ZHX2: variants seen among roughly 807,000 people sequenced by gnomAD.
ZHX2 encodes the protein zinc fingers and homeoboxes 2, also known as zinc fingers and homeoboxes protein 2.
Under a neutral mutation model 21.9 loss-of-function variants are expected in ZHX2, and 6 were observed. The ratio of observed to expected loss-of-function variants is 0.27; its 90% confidence interval spans 0.15 to 0.54. ZHX2 has a LOEUF of 0.54. Among genes scored for constraint, ZHX2 ranks in the 20% least tolerant of loss-of-function variants. The pLI, the probability that ZHX2 is intolerant of heterozygous loss-of-function variation, is 0.95. For missense variants in ZHX2, 908 were observed against 1,090.7 expected, an observed-to-expected ratio of 0.83 and a Z score of 2.36; for synonymous variants, 434 against 437.1, an observed-to-expected ratio of 0.99 and a Z score of 0.09.
At chr8:122,809,343 C>CA (rs1817880859) in intron 1 of ZHX2, 1 of 152,012 alleles carries the variant, frequency 6.6e-6, no homozygotes, top group Non-Finnish European at 1.5e-5. Context: ...ACTAAAAATA[C>CA]AAAAAAATTA....
intron 2 of ZHX2, among the ~76,000 whole-genome samples, chr8:122,945,689 G>A (rs1018382122): frequency 6.6e-6 from 1 of 152,182 alleles, no homozygotes; most frequent in Admixed American, 6.5e-5. Context: ...ACTTCAGACA[G>A]AGAGGGGCAA....
intron 2 of ZHX2, among the ~76,000 whole-genome samples, chr8:122,899,569 A>G (rs1284607910): frequency 6.6e-6 from 1 of 152,182 alleles, no homozygotes; most frequent in Non-Finnish European, 1.5e-5. Context: ...GCTACACTCA[A>G]TACACCCCCT....
chr8:122,794,039 G>T (rs1395691762), intron 1 of ZHX2, among the ~76,000 whole-genome samples: 1 of 152,222 alleles, frequency 6.6e-6, no homozygotes, highest in African/African-American at 2.4e-5. Flanking sequence ...CCTTGAGTTT[G>T]CTGAACCTGG....
chr8:122,947,777 T>G (rs1813014870), intron 2 of ZHX2, among the ~76,000 whole-genome samples: 1 of 148,554 alleles, frequency 6.7e-6, no homozygotes, highest in Non-Finnish European at 1.5e-5. Context: ...GTGAGGGGAG[T>G]GAGGTCCTGA....
chr8:122,961,590 G>A (rs1438750482), intron 3 of ZHX2, among the ~76,000 whole-genome samples: 1 of 152,188 alleles, frequency 6.6e-6, no homozygotes, highest in Non-Finnish European at 1.5e-5. Flanking sequence ...TTACGATCAT[G>A]GCGGAAGGCG....
intron 2 of ZHX2, among the ~76,000 whole-genome samples, chr8:122,921,805 A>G (rs1563585007): frequency 2.0e-5 from 3 of 152,246 alleles, no homozygotes; most frequent in Admixed American, 6.5e-5. Flanking sequence ...CCTAAAATAT[A>G]TACAATTTTT....
intron 1 of ZHX2, among the ~76,000 whole-genome samples, chr8:122,833,048 G>A (rs111629905): frequency 8.5e-5 from 13 of 152,296 alleles, no homozygotes; most frequent in African/African-American, 2.4e-5. Context: ...CACACCAGGT[G>A]AGCCGACGTG....
Position 122,798,874 on chromosome 8 carries a change from G to A in ZHX2, c.-283+16928G>A, listed in dbSNP as rs552790041. 5.6e-4 allele frequency among the ~76,000 whole-genome samples: 85 copies of A among 151,996 alleles called. 2 individuals are homozygous for A. The South Asian group carries it at 6.7e-3, about 12-fold the overall frequency. ...ACTGACCCTGTGATTAACCATCCAA[G>A]CATTTGTTAGTTACCAATTTTGCAC... On this transcript the variant is annotated intron_variant, in intron 1 of 3. Coordinates refer to ENST00000314393, the MANE Select transcript of ZHX2 (RefSeq NM_014943.5).
intron 1 of ZHX2, among the ~76,000 whole-genome samples, chr8:122,860,599 T>C (rs1349854794): frequency 1.3e-5 from 2 of 152,146 alleles, no homozygotes; most frequent in African/African-American, 4.8e-5. Flanking sequence ...TGAGTAACCA[T>C]AGGGCTATAT....
intron 3 of ZHX2, among the ~76,000 whole-genome samples, chr8:122,956,142 A>G (rs1239118905): frequency 4.6e-5 from 7 of 151,888 alleles, no homozygotes; most frequent in Middle Eastern, 3.4e-3. Context: ...ACCACGCCCG[A>G]CCTCCCATCT....
Position 122,938,438 on chromosome 8 carries a change from C to A in ZHX2, c.-219-12854C>A, listed in dbSNP as rs73335712. On this transcript the variant is annotated intron_variant, in intron 2 of 3. Coordinates refer to ENST00000314393, the MANE Select transcript of ZHX2 (RefSeq NM_014943.5). The stretch of plus-strand genomic sequence containing the variant: ...TTTGGTAGATATCTGCAAGGACGAG[C>A]TCAGATCTTTGGGATGGATGAGTTC... Among the ~76,000 whole-genome samples the A allele has an allele frequency of 9.9e-3, 1,510 of 152,152 alleles. 20 individuals carry two copies. Among genetic ancestry groups the A allele is most frequent in the African/African-American group, 0.035 (1,435 of 41,486 alleles).
chr8:122,895,819 G>A (rs1820085872), intron 2 of ZHX2, among the ~76,000 whole-genome samples: 1 of 151,354 alleles, frequency 6.6e-6, no homozygotes. Context: ...TCAGAACCAT[G>A]CAAAAAATCT....
At chr8:122,784,156 G>A (rs760815017) in intron 1 of ZHX2, among the ~76,000 whole-genome samples, 1 of 152,208 alleles carries the variant, frequency 6.6e-6, no homozygotes, top group East Asian at 1.9e-4. Flanking sequence ...ATGCTGAAAG[G>A]TGGCCCCACC....
At position 122,951,413 on chromosome 8, in the gene ZHX2, A is replaced by T. The variant is rs1813105780; in HGVS notation, c.-98A>T. ...GGAAAGCCAAAGCCATTTGAGGGGGAATAAAGCCAAAAGCCTTTCACCTTA... is the reference window on the plus strand; with the variant it reads ...GGAAAGCCAAAGCCATTTGAGGGGGTATAAAGCCAAAAGCCTTTCACCTTA... On this transcript the variant is annotated 5_prime_UTR_variant, in exon 3 of 4. Coordinates refer to ENST00000314393, the MANE Select transcript of ZHX2 (RefSeq NM_014943.5). 5 of 1,088,538 alleles carry T rather than the reference A, an allele frequency of 4.6e-6. No individual in the cohort carries two copies. Among genetic ancestry groups the T allele is most frequent in the Non-Finnish European group, 6.5e-6 (5 of 771,084 alleles). The allele number at this position is 1,088,538 out of a possible 1,614,324, so 67.4% of individuals were successfully genotyped here.
At chr8:122,837,820 G>A (rs1163652968) in intron 1 of ZHX2, among the ~76,000 whole-genome samples, 2 of 152,180 alleles carry the variant, frequency 1.3e-5, no homozygotes, top group Non-Finnish European at 2.9e-5. Flanking sequence ...ATGGCTTTTA[G>A]TAGAGTTAAG....
At chr8:122,852,057 C>T (rs1030441687) in intron 1 of ZHX2, among the ~76,000 whole-genome samples, 2 of 152,046 alleles carry the variant, frequency 1.3e-5, no homozygotes, top group African/African-American at 4.8e-5. Flanking sequence ...CTGGATGATA[C>T]GACTTGAGGT....
chr8:122,796,219 A>G (rs1817611259), intron 1 of ZHX2, among the ~76,000 whole-genome samples: 1 of 151,974 alleles, frequency 6.6e-6, no homozygotes, highest in African/African-American at 2.4e-5. Flanking sequence ...ATATGTAGAC[A>G]CTGGCCCTGT....
At chr8:122,857,973 T>C (rs762376174) in intron 1 of ZHX2, among the ~76,000 whole-genome samples, 1 of 152,190 alleles carries the variant, frequency 6.6e-6, no homozygotes, top group African/African-American at 2.4e-5. Flanking sequence ...ATGACCAGCA[T>C]TTTCTGCCCT....
At chr8:122,797,188 T>C (rs918876429) in intron 1 of ZHX2, among the ~76,000 whole-genome samples, 1 of 152,154 alleles carries the variant, frequency 6.6e-6, no homozygotes. Flanking sequence ...ATTTCTTCCT[T>C]TCATGAAGTC....
Sources: allele counts gnomAD v4.1 joint callset (sites outside exome capture counted in the v4.1 genomes callset), GRCh38; gene constraint gnomAD v4.1.1; transcripts MANE v1.5; gene names NCBI Gene and HGNC (gene_info 2026-07-23, HGNC 2026-07-21).